The following CNTNAP5 variants were observed in gnomAD, a reference collection of about 807,000 sequenced individuals.
CNTNAP5 encodes contactin associated protein family member 5, also known as contactin-associated protein-like 5.
A neutral mutation model predicts 150.2 loss-of-function variants in CNTNAP5; 72 were observed. The observed-to-expected ratio is 0.48, with a 90% CI of 0.40 to 0.58. CNTNAP5 has a LOEUF of 0.58. CNTNAP5 is among the 20% of genes least tolerant of loss of function. CNTNAP5 has a pLI of 0.00. For missense variants in CNTNAP5, 1,636 were observed against 1,626.2 expected, an observed-to-expected ratio of 1.01 and a Z score of -0.10; for synonymous variants, 672 against 619.8, an observed-to-expected ratio of 1.08 and a Z score of -1.25.
chr2:124,112,406 C>G (rs1246448896), intron 1 of CNTNAP5, among the ~76,000 whole-genome samples: 4 of 152,224 alleles, frequency 2.6e-5, no homozygotes, highest in African/African-American at 7.2e-5. Flanking sequence ...CTTGAAAGGT[C>G]CATGCTTGCT....
chr2:124,820,476 A>G (rs566949405), intron 19 of CNTNAP5, among the ~76,000 whole-genome samples: 1 of 152,186 alleles, frequency 6.6e-6, no homozygotes, highest in East Asian at 1.9e-4. Flanking sequence ...AGGGGAAAAA[A>G]AAAACAATAA....
At chr2:124,643,328 A>G (rs753382673) in intron 12 of CNTNAP5, among the ~76,000 whole-genome samples, 17 of 152,214 alleles carry the variant, frequency 1.1e-4, no homozygotes, top group Non-Finnish European at 2.1e-4. Flanking sequence ...AGAAGTAATG[A>G]AAGAGAAAAA....
intron 13 of CNTNAP5, among the ~76,000 whole-genome samples, chr2:124,721,055 T>C (rs1680038745): frequency 6.6e-6 from 1 of 152,166 alleles, no homozygotes; most frequent in Non-Finnish European, 1.5e-5. Context: ...ATCCCATTAA[T>C]CAGACAGAGG....
In CNTNAP5 at chr2:124,423,652, CTTTTTTTTTTT is replaced by C. The variant is rs1187961580; in HGVS notation, c.529+6082_529+6092del. ...TGAGCCACTGCGCCCGGCTAATTAACTTTTTTTTTTTTTTTTTTTTTTTTTTTTTTGAGACG... is the reference window on the plus strand; with the variant it reads ...TGAGCCACTGCGCCCGGCTAATTAACTTTTTTTTTTTTTTTTTTTGAGACG... On this transcript the variant is annotated intron_variant, in intron 4 of 23. Coordinates refer to ENST00000682447, the MANE Select transcript of CNTNAP5 (RefSeq NM_001367498.1). 9.1e-3 allele frequency among the ~76,000 whole-genome samples: 378 copies of C among 41,586 alleles called. 2 individuals carry two copies. Among genetic ancestry groups the C allele is most frequent in the African/African-American group, 0.035 (333 of 9,622 alleles). The allele number at this position is 41,586 out of a possible 152,430, so 27.3% of individuals were successfully genotyped here.
chr2:124,841,953 A>C (rs112169205), intron 19 of CNTNAP5, among the ~76,000 whole-genome samples: 1 of 150,380 alleles, frequency 6.6e-6, no homozygotes, highest in East Asian at 1.9e-4. Context: ...GTAGTTACCA[A>C]AACTTAAAAA....
intron 18 of CNTNAP5, among the ~76,000 whole-genome samples, chr2:124,795,857 A>G (rs1370751227): frequency 6.6e-6 from 1 of 151,788 alleles, no homozygotes; most frequent in African/African-American, 2.4e-5. Context: ...TTACCATCTC[A>G]GAATCTAGTT....
chr2:124,225,072 A>G (rs1686421580), intron 2 of CNTNAP5, among the ~76,000 whole-genome samples: 1 of 152,194 alleles, frequency 6.6e-6, no homozygotes, highest in African/African-American at 2.4e-5. Flanking sequence ...ATATACATGC[A>G]GATGTAAAGG....
chr2:124,578,422 A>G (rs979049538), intron 11 of CNTNAP5, among the ~76,000 whole-genome samples: 15 of 151,990 alleles, frequency 9.9e-5, no homozygotes, highest in Non-Finnish European at 1.8e-4. Flanking sequence ...ATAATCTTAC[A>G]GCTCAAAAGG....
intron 3 of CNTNAP5, among the ~76,000 whole-genome samples, chr2:124,362,074 C>G (rs776986220): frequency 1.2e-4 from 19 of 152,296 alleles, no homozygotes; most frequent in Middle Eastern, 3.4e-3. Context: ...CCGATTTTCC[C>G]GGTGCTGTCC....
chr2:124,756,357 C>T (rs745833407), intron 14 of CNTNAP5, among the ~76,000 whole-genome samples: 2 of 152,072 alleles, frequency 1.3e-5, no homozygotes, highest in Non-Finnish European at 2.9e-5. Context: ...CACAGTGTGG[C>T]GATTCCTCAA....
chr2:124,726,219 G>A (rs1353410888), intron 13 of CNTNAP5, among the ~76,000 whole-genome samples: 1 of 151,968 alleles, frequency 6.6e-6, no homozygotes, highest in Non-Finnish European at 1.5e-5. Flanking sequence ...CTGATTATTA[G>A]TGATATGGTT....
At chr2:124,151,195 T>TTGGGCC (rs1232341862) in intron 1 of CNTNAP5, among the ~76,000 whole-genome samples, 1 of 152,102 alleles carries the variant, frequency 6.6e-6, no homozygotes, top group Non-Finnish European at 1.5e-5. Context: ...ATGGGGTGAA[T>TTGGGCC]TGGGCCGGAG....
intron 12 of CNTNAP5, among the ~76,000 whole-genome samples, chr2:124,627,371 G>A (rs1055039107): frequency 6.6e-6 from 1 of 152,188 alleles, no homozygotes; most frequent in African/African-American, 2.4e-5. Flanking sequence ...AGCTTCCAGA[G>A]GAAGGAGCAG....
intron 13 of CNTNAP5, among the ~76,000 whole-genome samples, chr2:124,713,399 A>G (rs1038356546): frequency 9.2e-6 from 1 of 108,344 alleles, no homozygotes; most frequent in Non-Finnish European, 1.9e-5. Flanking sequence ...TTTTTTTGAG[A>G]TAGAGTCTTG....
intron 8 of CNTNAP5, among the ~76,000 whole-genome samples, chr2:124,520,955 G>T (rs983271316): frequency 3.3e-5 from 5 of 152,162 alleles, no homozygotes; most frequent in Admixed American, 1.3e-4. Flanking sequence ...TGTTATTTTG[G>T]ATCTGTTAAC....
chr2:124,614,505 T>C (rs1677454466), intron 12 of CNTNAP5, among the ~76,000 whole-genome samples: 1 of 152,190 alleles, frequency 6.6e-6, no homozygotes, highest in South Asian at 2.1e-4. Flanking sequence ...GGGGGATTTA[T>C]CATGAGTTTT....
chr2:124,576,189 A>G (rs977667327), intron 11 of CNTNAP5, among the ~76,000 whole-genome samples: 1 of 151,106 alleles, frequency 6.6e-6, no homozygotes, highest in Non-Finnish European at 1.5e-5. Flanking sequence ...TGCAGAAAAC[A>G]TGAAAAGGAG....
intron 1 of CNTNAP5, among the ~76,000 whole-genome samples, chr2:124,107,602 T>C (rs1683196991): frequency 6.6e-6 from 1 of 152,250 alleles, no homozygotes; most frequent in South Asian, 2.1e-4. Flanking sequence ...GTTATGCTTT[T>C]AGTTAATCAA....
At chr2:124,513,471 C>T (rs887629069) in intron 8 of CNTNAP5, among the ~76,000 whole-genome samples, 16 of 152,146 alleles carry the variant, frequency 1.1e-4, no homozygotes, top group African/African-American at 3.6e-4. Context: ...GACCAATGCC[C>T]TTCTCATCAC....
Sources: gnomAD v4.1 joint callset for allele counts (sites outside exome capture counted in the v4.1 genomes callset) on GRCh38, gnomAD v4.1.1 for gene constraint, MANE v1.5 for transcripts, NCBI Gene and HGNC (gene_info 2026-07-23, HGNC 2026-07-21) for gene names.